The following WNT3A variants were observed in gnomAD, a reference collection of about 807,000 sequenced individuals.
The protein encoded by WNT3A is protein Wnt-3a.
A neutral mutation model predicts 37.0 loss-of-function variants in WNT3A; 17 were observed. The observed-to-expected ratio is 0.46, with a 90% CI of 0.31 to 0.69. The LOEUF is 0.69. Among genes scored for constraint, WNT3A ranks in the 30% least tolerant of loss-of-function variants. The pLI is 0.05. For missense variants in WNT3A, 411 were observed against 510.2 expected, an observed-to-expected ratio of 0.81 and a Z score of 1.87; for synonymous variants, 187 against 211.0, an observed-to-expected ratio of 0.89 and a Z score of 0.99.
At chr1:228,034,194 G>A (rs570280188) in intron 2 of WNT3A, among the ~76,000 whole-genome samples, 20 of 152,080 alleles carry the variant, frequency 1.3e-4, no homozygotes, top group East Asian at 3.9e-4. Flanking sequence ...CCCAGGAGGC[G>A]GAGGTTGCAA....
intron 2 of WNT3A, among the ~76,000 whole-genome samples, chr1:228,035,012 C>G (rs151033832): frequency 6.6e-6 from 1 of 152,122 alleles, no homozygotes; most frequent in African/African-American, 2.4e-5. Context: ...CAAATGTACA[C>G]AGTCGGTCCC....
intron 3 of WNT3A, among the ~76,000 whole-genome samples, chr1:228,051,152 A>T (rs1211206019): frequency 1.3e-5 from 2 of 152,034 alleles, no homozygotes; most frequent in Non-Finnish European, 2.9e-5. Context: ...GCCAAGAAGG[A>T]GTGATGAGGC....
In WNT3A at chr1:228,050,861, G is replaced by A. The variant is rs1171329855; in HGVS notation, c.519G>A (p.Arg173=). Residue 173 remains arginine (R), a synonymous_variant, in exon 3 of 4, where the codon CGG becomes CGA. Coordinates refer to ENST00000284523, the MANE Select transcript of WNT3A (RefSeq NM_033131.4). The surrounding 1 kb of genome is among the most constrained non-coding windows in gnomAD (Gnocchi z 5.0). ...TGTCTCGGGAGTTCGCCGACGCCCGGGAGAACCGGCCAGATGCCCGCTCAG... is the reference window on the plus strand; with the variant it reads ...TGTCTCGGGAGTTCGCCGACGCCCGAGAGAACCGGCCAGATGCCCGCTCAG... ...GMVSREFADA[R]ENRPDARSAM... 4 of 1,592,788 alleles carry A rather than the reference G, an allele frequency of 2.5e-6. No homozygotes were observed. Among genetic ancestry groups the A allele is most frequent in the South Asian group, 2.2e-5 (2 of 89,596 alleles).
chr1:228,010,065 C>T (rs116287210), intron 1 of WNT3A, among the ~76,000 whole-genome samples: 3,047 of 152,318 alleles, frequency 0.02, 99 homozygotes, highest in African/African-American at 0.069. Context: ...AGGCCACAGA[C>T]GGCAGGAACC....
Position 228,039,302 on chromosome 1 carries a change from GC to G in WNT3A, c.314-11349del. ...ATGGGGCCACAGAGGCAGAACCATA[GC>G]CCCCTTCCCAGACTAAGCAGCCCAG... On this transcript the variant is annotated intron_variant, in intron 2 of 3. Coordinates refer to ENST00000284523, the MANE Select transcript of WNT3A (RefSeq NM_033131.4). This position sits in a 1 kb window ranked among gnomAD's most constrained non-coding sequence, Gnocchi z 4.1. Among the ~76,000 whole-genome samples the G allele has an allele frequency of 6.6e-6, 1 of 152,238 alleles. No individual in the cohort carries two copies. The highest frequency in any genetic ancestry group is 2.1e-4 in the South Asian group (1 of 4,828).
At chr1:228,036,702 C>G (rs1427696989) in intron 2 of WNT3A, among the ~76,000 whole-genome samples, 1 of 152,210 alleles carries the variant, frequency 6.6e-6, no homozygotes. Flanking sequence ...CCGCAGGACC[C>G]AGGCACTGGG....
intron 2 of WNT3A, among the ~76,000 whole-genome samples, chr1:228,028,955 G>A (rs2030923429): frequency 6.6e-6 from 1 of 151,982 alleles, no homozygotes; most frequent in African/African-American, 2.4e-5. Context: ...TAGGCAAAAC[G>A]AGTTTTTTTT....
chr1:228,058,624 G>A, intron 3 of WNT3A, among the ~76,000 whole-genome samples: 1 of 152,246 alleles, frequency 6.6e-6, no homozygotes, highest in East Asian at 1.9e-4. Flanking sequence ...AGGGTCAGAA[G>A]GAACGCCTAT....
intron 2 of WNT3A, among the ~76,000 whole-genome samples, chr1:228,029,382 C>T (rs1372044441): frequency 6.6e-6 from 1 of 152,160 alleles, no homozygotes; most frequent in Non-Finnish European, 1.5e-5. Context: ...CAGGGTGGCT[C>T]AGCACAGTCC....
intron 3 of WNT3A, 36 bp from the exon 4 acceptor site, chr1:228,058,950 G>A (rs1180088966): frequency 1.3e-6 from 2 of 1,569,314 alleles, no homozygotes; most frequent in South Asian, 1.2e-5. Flanking sequence ...GCACCAGGGG[G>A]CCGCCCTGAC....
rs1271154456 is a variant in WNT3A, at chr1:228,060,330, C to G, written c.*865C>G. Reference sequence around the variant, plus strand: ...AGCGAGTCGGGTCCCCAACCCGTGCCCCTGGGATCCGAGGGCCCCTCTCCA... The same window carrying G: ...AGCGAGTCGGGTCCCCAACCCGTGCGCCTGGGATCCGAGGGCCCCTCTCCA... On this transcript the variant is annotated 3_prime_UTR_variant, in exon 4 of 4. Transcript: ENST00000284523. 9 of 1,342,630 alleles carry G rather than the reference C, an allele frequency of 6.7e-6. No homozygotes were observed. In the Admixed American group the frequency reaches 7.6e-5, roughly 11 times the overall value. The allele number at this position is 1,342,630 out of a possible 1,614,324, so 83.2% of individuals were successfully genotyped here. A position where few individuals can be genotyped will look rare whatever the true frequency, so the allele number is the denominator to read the frequency against.
In WNT3A at chr1:228,052,570, T is replaced by C. The variant is rs6666493; in HGVS notation, c.579+1649T>C. Among the ~76,000 whole-genome samples, 937 of 152,326 alleles carry C rather than the reference T, an allele frequency of 6.2e-3. 7 individuals carry two copies. The highest frequency in any genetic ancestry group is 0.013 in the African/African-American group (535 of 41,568). ...GGGAGGAAAGATGGCTGATGGGCAG[T>C]GACGGGCGTAAGGACCAAGTGGCGT... On this transcript the variant is annotated intron_variant, in intron 3 of 3. Transcript: ENST00000284523.
In WNT3A at chr1:228,038,730, CG is replaced by C. The variant is rs1046423678; in HGVS notation, c.314-11920del. 3.9e-5 allele frequency among the ~76,000 whole-genome samples: 6 copies of C among 152,072 alleles called. No individual in the cohort carries two copies. The highest frequency in any genetic ancestry group is 5.9e-5 in the Non-Finnish European group (4 of 67,988). ...GTAATCATACAGGGTGCAGCGTGCA[CG>C]GGGGGCTGTGTTCGCTGTGACCCTC... On this transcript the variant is annotated intron_variant, in intron 2 of 3. Coordinates refer to ENST00000284523, the MANE Select transcript of WNT3A (RefSeq NM_033131.4). This position sits in a 1 kb window ranked among gnomAD's most constrained non-coding sequence, Gnocchi z 5.7.
At chr1:228,035,718 G>A (rs1332490218) in intron 2 of WNT3A, among the ~76,000 whole-genome samples, 1 of 152,174 alleles carries the variant, frequency 6.6e-6, no homozygotes, top group South Asian at 2.1e-4. Context: ...TTGGGTTGGG[G>A]CGGGGAGCCC....
chr1:228,058,425 G>A (rs1324172396), intron 3 of WNT3A, among the ~76,000 whole-genome samples: 2 of 152,192 alleles, frequency 1.3e-5, no homozygotes, highest in African/African-American at 2.4e-5. Flanking sequence ...TGCCCATAGG[G>A]GAAACCGTTC....
At chr1:228,028,773 T>C (rs970226854) in intron 2 of WNT3A, among the ~76,000 whole-genome samples, 2 of 152,230 alleles carry the variant, frequency 1.3e-5, no homozygotes, top group African/African-American at 4.8e-5. Flanking sequence ...GCATGGGATG[T>C]GTTTCTGTTT....
chr1:228,059,873 T>A lies in WNT3A; in HGVS notation c.*408T>A. 3 of 1,047,722 alleles carry A rather than the reference T, an allele frequency of 2.9e-6. No homozygotes were observed. Among genetic ancestry groups the A allele is most frequent in the Non-Finnish European group, 3.4e-6 (3 of 870,770 alleles). The allele number at this position is 1,047,722 out of a possible 1,614,324, so 64.9% of individuals were successfully genotyped here. On this transcript the variant is annotated 3_prime_UTR_variant, in exon 4 of 4. Transcript: ENST00000284523. ...GGGTGGGCGGGGCACTAGGTAGGCT[T>A]CTACCTGCAGGCGGGGCTCCTCCTG...
rs1237763857 is a variant in WNT3A, at chr1:228,037,416, A to C, written c.314-13240A>C. On this transcript the variant is annotated intron_variant, in intron 2 of 3. Transcript: ENST00000284523. This position sits in a 1 kb window ranked among gnomAD's most constrained non-coding sequence, Gnocchi z 4.1. Reference sequence around the variant, plus strand: ...TTGGGTGCCCCACAAGTCCCCCTTCATCTCTCCAACGTCTTCCCCAGGCAG... The same window carrying C: ...TTGGGTGCCCCACAAGTCCCCCTTCCTCTCTCCAACGTCTTCCCCAGGCAG... Among the ~76,000 whole-genome samples the C allele has an allele frequency of 6.6e-6, 1 of 151,794 alleles. No homozygotes were observed. Among genetic ancestry groups the C allele is most frequent in the East Asian group, 1.9e-4 (1 of 5,130 alleles).
intron 2 of WNT3A, among the ~76,000 whole-genome samples, chr1:228,028,660 C>T (rs2030914976): frequency 6.6e-6 from 1 of 152,060 alleles, no homozygotes; most frequent in African/African-American, 2.4e-5. Flanking sequence ...TTTCCTAATT[C>T]TGTGAAAAAT....
Sources: allele counts gnomAD v4.1 joint callset (sites outside exome capture counted in the v4.1 genomes callset), GRCh38; gene constraint gnomAD v4.1.1; non-coding constraint Gnocchi (gnomAD v3.1); transcripts MANE v1.5; gene names NCBI Gene and HGNC (gene_info 2026-07-23, HGNC 2026-07-21).